Variants in NEB observed in about 807,000 individuals in gnomAD.
The protein encoded by NEB is nemaline myopathy type 2.
NEB carries 512 observed loss-of-function variants against 952.2 expected under a neutral mutation model. The ratio of observed to expected loss-of-function variants is 0.54; its 90% CI spans 0.50 to 0.58. The LOEUF (loss-of-function observed/expected upper bound fraction) is 0.58, where lower values mean the gene tolerates loss of function less well. NEB is among the 20% of genes least tolerant of loss of function. The pLI, the probability that NEB is intolerant of heterozygous loss-of-function variation, is 0.00. For missense variants in NEB, 8,428 were observed against 9,231.1 expected (o/e 0.91, Z 3.56); for synonymous variants, 2,900 against 3,149.8 (o/e 0.92, Z 2.66).
chr2:151,494,734 C>T (rs1019886920), intron 173 of NEB, among the ~76,000 whole-genome samples: 55 of 152,152 alleles, frequency 3.6e-4, no homozygotes, highest in Admixed American at 2.3e-3. Context: ...CTGCAACCTC[C>T]GCCTCCCGGG....
chr2:151,641,811 A>G (rs189852571), intron 60 of NEB, among the ~76,000 whole-genome samples: 182 of 152,306 alleles, frequency 1.2e-3, no homozygotes, highest in African/African-American at 4.2e-3. Flanking sequence ...TAGAAATGTG[A>G]GCAAATCCTT....
chr2:151,725,682 C>T, intron 5 of NEB, 122 bp from the exon 6 acceptor site: 1 of 721,902 alleles, frequency 1.4e-6, no homozygotes, highest in Non-Finnish European at 2.3e-6. Flanking sequence ...TAATAGCTTT[C>T]TTTTTGTCCC....
intron 25 of NEB, 95 bp from the exon 26 acceptor site, chr2:151,687,828 T>G: frequency 9.3e-7 from 1 of 1,080,856 alleles, no homozygotes; most frequent in South Asian, 1.4e-5. Context: ...ATGTATAGAC[T>G]TATTTCTCCT....
intron 55 of NEB, among the ~76,000 whole-genome samples, chr2:151,645,249 G>A (rs2098941039): frequency 6.6e-6 from 1 of 152,168 alleles, no homozygotes; most frequent in Non-Finnish European, 1.5e-5. Context: ...GTTTTTGTTA[G>A]AAAAGAGCAT....
intron 145 of NEB, among the ~76,000 whole-genome samples, chr2:151,530,089 A>G (rs1344000673): frequency 6.6e-6 from 1 of 152,188 alleles, no homozygotes; most frequent in Non-Finnish European, 1.5e-5. Context: ...AGGACCCCTT[A>G]AGGGCAAAAA....
chr2:151,667,659 T>C (rs1337699075), intron 40 of NEB, 145 bp downstream of exon 40: 2 of 513,268 alleles, frequency 3.9e-6, no homozygotes, highest in Non-Finnish European at 6.8e-6. Context: ...TCTCAAATAG[T>C]TGGAACTACA....
rs553807201 is a variant in NEB at position 151,612,907 on chromosome 2, ATC to A, written c.11602-520_11602-519del. 1.8e-4 allele frequency among the ~76,000 whole-genome samples: 27 copies of A among 152,290 alleles called. No homozygotes were observed. The South Asian group carries it at 5.6e-3, about 32-fold the overall frequency. On this transcript the variant is annotated intron_variant, in intron 77 of 181. Transcript: ENST00000397345. Reference sequence around the variant, plus strand: ...TACATGCTTCCAAGTCACAGAGTACATCTCTCTTTACTCATATTTATTTTATC... The same window carrying A: ...TACATGCTTCCAAGTCACAGAGTACATCTCTTTACTCATATTTATTTTATC...
In NEB at chr2:151,677,595, C is replaced by T; in HGVS notation, c.3744G>A (p.Gln1248=). The T allele has an allele frequency of 6.2e-7, 1 of 1,613,868 alleles. No individual in the cohort carries two copies. Among genetic ancestry groups the T allele is most frequent in the Non-Finnish European group, 8.5e-7 (1 of 1,179,830 alleles). ...TSIVDSPVMV[Q]AKQNTKQVSD... is the part of the protein sequence containing the mutation. ...TGACTTGCTTCGTGTTCTGTTTTGC[C>T]TGGACCATAACTGGGGAGTCCACAA... The change falls in exon 34 of 182, where the codon CAG becomes CAA. Residue 1248 remains glutamine (Q), a synonymous_variant. Coordinates refer to ENST00000397345, the MANE Select transcript of NEB (RefSeq NM_001164508.2).
chr2:151,535,624 TAA>T, intron 142 of NEB, 65 bp downstream of exon 142: 1 of 1,014,126 alleles, frequency 9.9e-7, no homozygotes, highest in Non-Finnish European at 1.5e-6. Flanking sequence ...GGCTTTAATT[TAA>T]AAAAACTCTG....
intron 63 of NEB, 76 bp from the exon 64 acceptor site, chr2:151,636,410 A>T (rs763010891): frequency 1.5e-5 from 17 of 1,115,360 alleles, no homozygotes; most frequent in Non-Finnish European, 1.8e-5. Flanking sequence ...CAATTCACTA[A>T]GTTCTCCACA....
chr2:151,533,361 G>A (rs2092260006), intron 143 of NEB, 81 bp downstream of exon 143: 3 of 900,120 alleles, frequency 3.3e-6, no homozygotes, highest in Non-Finnish European at 5.3e-6. Flanking sequence ...GGGAGTGGAA[G>A]AGGAAATCAA....
chr2:151,570,217 A>G lies in NEB; in HGVS notation c.17294T>C (p.Leu5765Pro). 4 of 1,613,806 alleles carry G rather than the reference A, an allele frequency of 2.5e-6. No homozygotes were observed. Among genetic ancestry groups the G allele is most frequent in the Non-Finnish European group, 2.5e-6 (3 of 1,179,820 alleles). Residue 5765 changes from leucine (L) to proline (P), a missense_variant, in exon 109 of 182, where the codon CTT becomes CCT. Around this residue, in one of 11 missense-constraint regions of NEB, gnomAD observed 3,374 missense variants for 3,651.5 expected, o/e 0.92. Coordinates refer to ENST00000397345, the MANE Select transcript of NEB (RefSeq NM_001164508.2). ...KAKIQSPVDM[L>P]SILHSKNSQA... ...GGAATTTTTAGAGTGCAGGATGGAA[A>G]GCATGTCCACAGGGCTCTGGATCTT...
intron 63 of NEB, 23 bp downstream of exon 63, chr2:151,639,257 A>T: frequency 1.3e-6 from 2 of 1,493,322 alleles, no homozygotes; most frequent in Non-Finnish European, 1.8e-6. Context: ...GCAGTGTGCA[A>T]ATGTCAAAGA....
intron 157 of NEB, among the ~76,000 whole-genome samples, chr2:151,515,337 G>A (rs1236832682): frequency 2.0e-5 from 3 of 152,296 alleles, no homozygotes; most frequent in African/African-American, 4.8e-5. Flanking sequence ...GCAGTGGAAG[G>A]AGAGCCTAAG....
At chr2:151,506,105 G>A in intron 164 of NEB, 61 bp downstream of exon 164, 1 of 1,378,976 alleles carries the variant, frequency 7.3e-7, no homozygotes, top group Non-Finnish European at 1.0e-6. Flanking sequence ...CAACTCATAG[G>A]TCATTGTAAA....
chr2:151,662,402 G>A lies in NEB; in HGVS notation c.5764-61C>T, dbSNP rs1235275391. 3.6e-6 allele frequency: 5 copies of A among 1,387,664 alleles called. No individual in the cohort carries two copies. The African/African-American group carries it at 7.2e-5, about 20-fold the overall frequency. 86.0% of individuals were successfully genotyped at this position (1,387,664 alleles called of 1,614,324 possible). ...CTGGAACTTCCCAAGAATCCTAAGT[G>A]TGTGTTTAACATTCTGTAACTTCCA... is the stretch of plus-strand genomic sequence containing the variant. On this transcript the variant is annotated intron_variant, in intron 45 of 181. Transcript: ENST00000397345.
Position 151,687,549 on chromosome 2 carries a change from C to T in NEB, c.2524-17G>A, listed in dbSNP as rs201224940. 3 of 1,612,758 alleles carry T rather than the reference C, an allele frequency of 1.9e-6. No homozygotes were observed. Among genetic ancestry groups the T allele is most frequent in the Non-Finnish European group, 1.7e-6 (2 of 1,178,756 alleles). On this transcript the variant is annotated splice_polypyrimidine_tract_variant and intron_variant, in intron 26 of 181. Transcript: ENST00000397345. Reference sequence around the variant, plus strand: ...GTACATCACCTGCAAAGACATCACACATGCCAGATCCCACTCACCAGGAAA... The same window carrying T: ...GTACATCACCTGCAAAGACATCACATATGCCAGATCCCACTCACCAGGAAA...
At position 151,526,014 on chromosome 2, in the gene NEB, G is replaced by T. The variant is rs1381208572; in HGVS notation, c.22105C>A (p.Leu7369Ile). ...KHLAQGSYTTLPETRDTVHVK... is the reference protein window; with the variant it reads ...KHLAQGSYTTIPETRDTVHVK... ...TGAACAGTGTCCCGGGTCTCTGGTA[G>T]TGTTGTGTATGAGCCCTGTGCCAAG... The change falls in exon 150 of 182, where the codon CTA (leucine) becomes ATA (isoleucine). Residue 7369 changes from leucine (L) to isoleucine (I), a missense_variant. By Grantham distance (5) the Leu-to-Ile change is conservative (BLOSUM62 2). Coordinates refer to ENST00000397345, the MANE Select transcript of NEB (RefSeq NM_001164508.2). 2 of 1,614,004 alleles carry T rather than the reference G, an allele frequency of 1.2e-6. No homozygotes were observed. The highest frequency in any genetic ancestry group is 2.2e-5 in the South Asian group (2 of 91,080).
Position 151,691,881 on chromosome 2 carries a change from G to C in NEB, c.2194C>G (p.Leu732Val), listed in dbSNP as rs1275438017. 3 of 1,597,724 alleles carry C rather than the reference G, an allele frequency of 1.9e-6. No individual in the cohort carries two copies. The African/African-American group carries it at 4.0e-5, about 21-fold the overall frequency. ...ITQEYEAIKK[L>V]DQCKDHTYKV... ...TAACTTACATCTTTACACTGGTCCA[G>C]CTTCTTGATTGCTTCATATTCTTGT... is the stretch of plus-strand genomic sequence containing the variant. Residue 732 changes from leucine to valine, a missense_variant, in exon 23 of 182, where the codon CTG becomes GTG. Physicochemically the swap from Leu to Val is conservative, Grantham distance 32. Coordinates refer to ENST00000397345, the MANE Select transcript of NEB (RefSeq NM_001164508.2).
Sources: gnomAD v4.1 joint callset for allele counts (sites outside exome capture counted in the v4.1 genomes callset) on GRCh38, gnomAD v4.1.1 for gene constraint, gnomAD v4.1.1 regional missense constraint, MANE v1.5 for transcripts, NCBI Gene and HGNC (gene_info 2026-07-23, HGNC 2026-07-21) for gene names.